BHMT: variants seen among roughly 807,000 people sequenced by gnomAD.
BHMT encodes the protein betaine--homocysteine S-methyltransferase.
In BHMT, 38 loss-of-function variants were observed where a neutral mutation model predicts 49.5. That is an observed-to-expected ratio of 0.77 (90% CI 0.59 to 1.01). The LOEUF (loss-of-function observed/expected upper bound fraction) is 1.01, where lower values mean the gene tolerates loss of function less well. Ranked by LOEUF, BHMT falls within the 50% of genes least tolerant of loss-of-function variation. BHMT has a pLI of 0.00. For missense variants in BHMT, 426 were observed against 495.7 expected (o/e 0.86, Z 1.34); for synonymous variants, 166 against 176.3 (o/e 0.94, Z 0.46).
chr5:79,120,599 T>G, intron 4 of BHMT, 58 bp downstream of exon 4: 1 of 1,496,710 alleles, frequency 6.7e-7, no homozygotes, highest in Non-Finnish European at 8.9e-7. Flanking sequence ...TTCTCTACCT[T>G]TTGCTTTCAA....
intron 3 of BHMT, chr5:79,119,643 T>C (rs554138869): frequency 3.1e-4 from 94 of 301,450 alleles, no homozygotes; most frequent in Middle Eastern, 1.0e-3. Context: ...CTGAGTAAAT[T>C]GGGCAACCTT....
At chr5:79,121,817 TAAA>T (rs34861837) in intron 5 of BHMT, among the ~76,000 whole-genome samples, 1 of 126,218 alleles carries the variant, frequency 7.9e-6, no homozygotes. Flanking sequence ...TCCGTCTCAA[TAAA>T]AAAAAAAAAA....
chr5:79,129,660 G>A (rs972501469), intron 7 of BHMT, among the ~76,000 whole-genome samples: 2 of 152,116 alleles, frequency 1.3e-5, no homozygotes, highest in African/African-American at 4.8e-5. Context: ...ACAGCAGACA[G>A]GTTGAGGCCT....
chr5:79,131,175 T>C lies in BHMT; in HGVS notation c.*59T>C. 6.6e-7 allele frequency: 1 copy of C among 1,515,390 alleles called. No homozygotes were observed. Among genetic ancestry groups the C allele is most frequent in the Non-Finnish European group, 8.9e-7 (1 of 1,118,560 alleles). 93.9% of individuals were successfully genotyped at this position (1,515,390 alleles called of 1,614,324 possible). On this transcript the variant is annotated 3_prime_UTR_variant, in exon 8 of 8. Transcript: ENST00000274353. Reference sequence around the variant, plus strand: ...GTGTTTGGGTCACAGTTCCTACAAATACGGAAAAGGGGGTTAAAAAGCAGT... The same window carrying C: ...GTGTTTGGGTCACAGTTCCTACAAACACGGAAAAGGGGGTTAAAAAGCAGT...
At chr5:79,115,477 A>G (rs1259411267) in intron 1 of BHMT, among the ~76,000 whole-genome samples, 2 of 152,076 alleles carry the variant, frequency 1.3e-5, no homozygotes, top group African/African-American at 4.8e-5. Context: ...CCCTCAGCAG[A>G]CAGTTCTTCA....
chr5:79,111,810 G>C lies in BHMT; in HGVS notation c.-76G>C. 1.3e-6 allele frequency: 2 copies of C among 1,590,480 alleles called. No homozygotes were observed. The highest frequency in any genetic ancestry group is 1.7e-6 in the Non-Finnish European group (2 of 1,166,996). ...AGAGGCAGGCTGCGGACTCGGAGCA[G>C]CTCGGGGCTGCGCAGCGGGAAGGCT... On this transcript the variant is annotated 5_prime_UTR_variant, in exon 1 of 8. Coordinates refer to ENST00000274353, the MANE Select transcript of BHMT (RefSeq NM_001713.3).
At position 79,121,755 on chromosome 5, in the gene BHMT, C is replaced by G. The variant is rs1309779017; in HGVS notation, c.625+390C>G. Among the ~76,000 whole-genome samples, 6 of 145,320 alleles carry G rather than the reference C, an allele frequency of 4.1e-5. No homozygotes were observed. The East Asian group carries it at 1.3e-3, about 31-fold the overall frequency. On this transcript the variant is annotated intron_variant, in intron 5 of 7. Transcript: ENST00000274353. Reference sequence around the variant, plus strand: ...GCGTGAACCCGGGAGGCGGAGCTTGCAGTGAGCCGAGATTGCGCCACTGCA... The same window carrying G: ...GCGTGAACCCGGGAGGCGGAGCTTGGAGTGAGCCGAGATTGCGCCACTGCA...
At chr5:79,130,539 T>TTGC (rs1756619726) in intron 7 of BHMT, among the ~76,000 whole-genome samples, 1 of 151,818 alleles carries the variant, frequency 6.6e-6, no homozygotes, top group Admixed American at 6.6e-5. Context: ...ACAAAGCCTG[T>TTGC]TGCTGATGGT....
intron 2 of BHMT, 54 bp downstream of exon 2, chr5:79,115,953 C>A (rs989147649): frequency 5.4e-5 from 83 of 1,532,000 alleles, no homozygotes; most frequent in Non-Finnish European, 7.3e-5. Flanking sequence ...TGTGGAGGCT[C>A]ATGCCTGTAA....
chr5:79,127,777 C>T lies in BHMT; in HGVS notation c.831C>T (p.Thr277=). Residue 277 remains threonine (T), a synonymous_variant, in exon 7 of 8, where the codon ACC becomes ACT. Coordinates refer to ENST00000274353, the MANE Select transcript of BHMT (RefSeq NM_001713.3). The stretch of plus-strand genomic sequence containing the variant: ...CAGGACTGGAACCCAGAGTTGCCAC[C>T]AGATGGGATATTCAAAAATACGCCA... ...FPFGLEPRVA[T]RWDIQKYARE... The T allele has an allele frequency of 6.2e-7, 1 of 1,614,022 alleles. No homozygotes were observed. The highest frequency in any genetic ancestry group is 8.5e-7 in the Non-Finnish European group (1 of 1,179,918).
rs1580271022 is a variant in BHMT at position 79,120,524 on chromosome 5, G to C, written c.460G>C (p.Asp154His). The change falls in exon 4 of 8, where the codon GAC (aspartate) becomes CAC (histidine). Residue 154 changes from aspartate (D) to histidine (H), a missense_variant. By Grantham distance (81) the Asp-to-His change is moderately conservative. Transcript: ENST00000274353. ...AGAGGTCTTTATGAAGAAGAACGTG[G>C]ACTTCTTGATTGCAGAGGTAAAGAA... Reference protein sequence around the residue: ...QLEVFMKKNVDFLIAEYFEHV... With the variant: ...QLEVFMKKNVHFLIAEYFEHV... The C allele has an allele frequency of 6.2e-7, 1 of 1,611,306 alleles. No individual in the cohort carries two copies. The highest frequency in any genetic ancestry group is 8.5e-7 in the Non-Finnish European group (1 of 1,179,308).
At chr5:79,121,457 G>T in intron 5 of BHMT, 92 bp downstream of exon 5, 1 of 1,427,190 alleles carries the variant, frequency 7.0e-7, no homozygotes, top group Non-Finnish European at 9.4e-7. Context: ...TACTACTTTC[G>T]TTAACATAAA....
At chr5:79,122,537 A>G (rs1756487601) in intron 5 of BHMT, among the ~76,000 whole-genome samples, 1 of 152,096 alleles carries the variant, frequency 6.6e-6, no homozygotes, top group Non-Finnish European at 1.5e-5. Context: ...GAAGTTAATT[A>G]AGCAAGGAAA....
intron 1 of BHMT, among the ~76,000 whole-genome samples, chr5:79,114,909 ATACT>A (rs2112722180): frequency 1.3e-5 from 2 of 152,336 alleles, no homozygotes; most frequent in South Asian, 4.1e-4. Flanking sequence ...CCCTTTCAAA[ATACT>A]TAATTCCAAA....
intron 2 of BHMT, among the ~76,000 whole-genome samples, chr5:79,117,624 C>A (rs1756405163): frequency 6.6e-6 from 1 of 152,222 alleles, no homozygotes; most frequent in African/African-American, 2.4e-5. Context: ...GTTCCAGTTA[C>A]TCTACTCTAC....
chr5:79,128,270 C>A (rs1580275332), intron 7 of BHMT: 1 of 297,774 alleles, frequency 3.4e-6, no homozygotes, highest in Non-Finnish European at 6.2e-6. Context: ...CCTGTAATCC[C>A]AGCACTTTGG....
At chr5:79,115,658 T>C (rs1327198196) in intron 1 of BHMT, 109 bp from the exon 2 acceptor site, 9 of 1,279,788 alleles carry the variant, frequency 7.0e-6, no homozygotes, top group Non-Finnish European at 2.1e-6. Flanking sequence ...TCTCTGAAAA[T>C]TCTAAAATAA....
intron 5 of BHMT, among the ~76,000 whole-genome samples, chr5:79,122,963 A>G (rs1756494835): frequency 6.6e-6 from 1 of 152,132 alleles, no homozygotes; most frequent in African/African-American, 2.4e-5. Context: ...ATCTTGGAAC[A>G]CTCCAGTTGA....
Position 79,126,247 on chromosome 5 carries a change from G to T in BHMT, c.808+19G>T. ...CCATTTGGTAAGACCAACATTTGAT[G>T]AATCATCTCAATATCTTCATTTGAT... On this transcript the variant is annotated intron_variant, in intron 6 of 7. Coordinates refer to ENST00000274353, the MANE Select transcript of BHMT (RefSeq NM_001713.3). 6.2e-7 allele frequency: 1 copy of T among 1,610,668 alleles called. No individual in the cohort carries two copies. The highest frequency in any genetic ancestry group is 8.5e-7 in the Non-Finnish European group (1 of 1,177,364).
Sources: allele counts gnomAD v4.1 joint callset (sites outside exome capture counted in the v4.1 genomes callset), GRCh38; gene constraint gnomAD v4.1.1; transcripts MANE v1.5; gene names NCBI Gene and HGNC (gene_info 2026-07-23, HGNC 2026-07-21).